LINC00632: variants seen among roughly 807,000 people sequenced by gnomAD.
LINC00632 encodes long independently transcribed non-coding RNA 632.
At chrX:140,755,560 C>T (rs766481971) in intron 3 of LINC00632, among the ~76,000 whole-genome samples, 5 of 112,002 alleles carry the variant, frequency 4.5e-5, no homozygotes, top group Non-Finnish European at 9.4e-5. Flanking sequence ...ACACTTTGCA[C>T]GGTGATGCCT....
At chrX:140,718,352 T>C (rs73590124) in intron 2 of LINC00632, among the ~76,000 whole-genome samples, 11,797 of 108,949 alleles carry the variant, frequency 0.11, 816 homozygotes, top group African/African-American at 0.25. Flanking sequence ...AATTGCATCA[T>C]AGTGAATACT....
At chrX:140,764,648 G>C in intron 3 of LINC00632, 1 of 112,305 alleles carries the variant, frequency 8.9e-6, no homozygotes, top group South Asian at 3.7e-4. Context: ...TCCCCAGAGA[G>C]GGGAGGCGGT....
At chrX:140,756,588 C>G (rs1281727609) in intron 3 of LINC00632, among the ~76,000 whole-genome samples, 5 of 111,785 alleles carry the variant, frequency 4.5e-5, no homozygotes, top group Non-Finnish European at 9.4e-5. Context: ...GCTGGATGTA[C>G]AGCCAGTCCA....
At chrX:140,712,492 TAA>T (rs1401297198) in intron 2 of LINC00632, among the ~76,000 whole-genome samples, 4 of 105,444 alleles carry the variant, frequency 3.8e-5, no homozygotes, top group African/African-American at 1.4e-4. Context: ...TAGAATGATA[TAA>T]GAGGGAAATA....
At chrX:140,738,128 C>T (rs1032981323) in intron 3 of LINC00632, among the ~76,000 whole-genome samples, 1 of 110,881 alleles carries the variant, frequency 9.0e-6, no homozygotes, top group Non-Finnish European at 1.9e-5. Flanking sequence ...TCTTTTTTTT[C>T]CCAGTTGATG....
chrX:140,760,346 GGTGA>G (rs1931578010), intron 3 of LINC00632, among the ~76,000 whole-genome samples: 1 of 112,047 alleles, frequency 8.9e-6, no homozygotes, highest in Admixed American at 9.5e-5. Context: ...TAGGTTCAGA[GGTGA>G]GTGTGTTTAC....
At chrX:140,719,820 T>G (rs919182777) in intron 2 of LINC00632, among the ~76,000 whole-genome samples, 7 of 106,775 alleles carry the variant, frequency 6.6e-5, no homozygotes, top group African/African-American at 2.4e-4. Context: ...CCAGGTGTGG[T>G]GGCTCACGCC....
chrX:140,729,618 G>A (rs1273842699), intron 2 of LINC00632, among the ~76,000 whole-genome samples: 1 of 110,507 alleles, frequency 9.0e-6, no homozygotes, highest in Non-Finnish European at 1.9e-5. Flanking sequence ...TAGACTACCC[G>A]AGCACTGCAT....
At chrX:140,765,560 G>A (rs1378672349) in intron 3 of LINC00632, among the ~76,000 whole-genome samples, 1 of 112,061 alleles carries the variant, frequency 8.9e-6, no homozygotes, top group African/African-American at 3.2e-5. Context: ...TATGCTTAGA[G>A]ATTCCTTGTT....
At chrX:140,717,160 T>G (rs1202916681) in intron 2 of LINC00632, among the ~76,000 whole-genome samples, 1 of 110,311 alleles carries the variant, frequency 9.1e-6, no homozygotes, top group Non-Finnish European at 1.9e-5. Context: ...TTTTTGTATT[T>G]TTAGTAGAGA....
chrX:140,784,869 C>A (rs960291417), exon 5 of LINC00632: 2 of 128,807 alleles, frequency 1.6e-5, no homozygotes, highest in African/African-American at 6.5e-5. Context: ...TATGAACCAA[C>A]AGTACTGCAG....
chrX:140,780,541 AATCC>A (rs1447120351), exon 5 of LINC00632, among the ~76,000 whole-genome samples: 1 of 111,800 alleles, frequency 8.9e-6, no homozygotes, highest in African/African-American at 3.3e-5. Context: ...TCTAGAAAAT[AATCC>A]ATCCACTTGT....
intron 2 of LINC00632, among the ~76,000 whole-genome samples, chrX:140,712,811 T>C (rs1261878743): frequency 9.6e-6 from 1 of 104,679 alleles, no homozygotes; most frequent in Non-Finnish European, 2.0e-5. Context: ...TTTCTCTCTC[T>C]ATTGACTTCT....
intron 3 of LINC00632, among the ~76,000 whole-genome samples, chrX:140,753,932 C>A (rs1315274821): frequency 3.6e-5 from 4 of 109,742 alleles, no homozygotes; most frequent in Admixed American, 2.9e-4. Context: ...CACGCCACCA[C>A]GCCCGGCTAA....
At chrX:140,762,346 C>T (rs748109696) in intron 3 of LINC00632, among the ~76,000 whole-genome samples, 2 of 111,149 alleles carry the variant, frequency 1.8e-5, no homozygotes, top group Non-Finnish European at 3.8e-5. Flanking sequence ...TGTGAAGCAG[C>T]GTAGCAATGG....
intron 2 of LINC00632, among the ~76,000 whole-genome samples, chrX:140,728,265 A>G (rs1403159486): frequency 9.1e-6 from 1 of 110,462 alleles, no homozygotes; most frequent in African/African-American, 3.3e-5. Flanking sequence ...AGAAAGAAAG[A>G]AAAAGACATG....
At chrX:140,767,756 T>C (rs1269233973) in intron 3 of LINC00632, among the ~76,000 whole-genome samples, 1 of 108,991 alleles carries the variant, frequency 9.2e-6, no homozygotes, top group East Asian at 2.9e-4. Flanking sequence ...AGAAATTTGT[T>C]CATGTGGTTA....
At chrX:140,761,744 C>A (rs1025464720) in intron 3 of LINC00632, among the ~76,000 whole-genome samples, 3 of 112,282 alleles carry the variant, frequency 2.7e-5, no homozygotes, top group Non-Finnish European at 5.6e-5. Flanking sequence ...ATTAATTAAA[C>A]CTTTAGCTAA....
intron 2 of LINC00632, among the ~76,000 whole-genome samples, chrX:140,728,847 A>G (rs1032750346): frequency 5.4e-5 from 6 of 110,788 alleles, no homozygotes; most frequent in African/African-American, 2.0e-4. Context: ...CAACACTCAG[A>G]CTCTCCTAGA....
Sources: allele counts gnomAD v4.1 joint callset (sites outside exome capture counted in the v4.1 genomes callset), GRCh38; gene constraint gnomAD v4.1.1; transcripts MANE v1.5; gene names NCBI Gene and HGNC (gene_info 2026-07-23, HGNC 2026-07-21).